The following NBAS variants were observed in gnomAD, a reference collection of about 807,000 sequenced individuals.
NBAS encodes the protein NBAS subunit of NRZ tethering complex, also known as NAG/BC035112 fusion.
NBAS carries 219 observed loss-of-function variants against 302.5 expected under a neutral mutation model. The observed-to-expected ratio is 0.72, with a 90% CI of 0.65 to 0.81. The LOEUF (loss-of-function observed/expected upper bound fraction) is 0.81, where lower values mean the gene tolerates loss of function less well. Among genes scored for constraint, NBAS ranks in the 30% least tolerant of loss-of-function variants. NBAS has a pLI of 0.00. For synonymous variants in NBAS, 1,118 were observed against 1,021.6 expected, an observed-to-expected ratio of 1.09 and a Z score of -1.80; for missense variants, 2,932 against 2,841.6, an observed-to-expected ratio of 1.03 and a Z score of -0.72.
intron 12 of NBAS, among the ~76,000 whole-genome samples, chr2:15,482,265 G>C (rs1339655670): frequency 1.3e-5 from 2 of 152,040 alleles, no homozygotes; most frequent in African/African-American, 4.8e-5. Context: ...CGAGTAGCTG[G>C]GAATATGGGC....
At chr2:15,474,761 A>T (rs1680116675) in intron 14 of NBAS, among the ~76,000 whole-genome samples, 1 of 152,132 alleles carries the variant, frequency 6.6e-6, no homozygotes, top group South Asian at 2.1e-4. Flanking sequence ...GGGTTTCACC[A>T]TGTTGGCCAG....
At chr2:15,250,621 TAAAC>T (rs1334575573) in intron 44 of NBAS, among the ~76,000 whole-genome samples, 1 of 150,908 alleles carries the variant, frequency 6.6e-6, no homozygotes, top group Non-Finnish European at 1.5e-5. Flanking sequence ...TTACAAGAAA[TAAAC>T]AACCTCATCA....
intron 9 of NBAS, among the ~76,000 whole-genome samples, chr2:15,530,341 G>C (rs1407786592): frequency 6.6e-6 from 1 of 151,802 alleles, no homozygotes; most frequent in Non-Finnish European, 1.5e-5. Flanking sequence ...AAGAACTAAA[G>C]AGAACTTCTA....
At chr2:14,806,467 G>T in the NBAS span, among the ~76,000 whole-genome samples, 1 of 152,080 alleles carries the variant, frequency 6.6e-6, no homozygotes, top group Non-Finnish European at 1.5e-5. Context: ...TTATTATTGT[G>T]ATAAGCTTAG....
chr2:15,363,280 C>G (rs1395708613), intron 32 of NBAS, among the ~76,000 whole-genome samples: 1 of 152,184 alleles, frequency 6.6e-6, no homozygotes, highest in Non-Finnish European at 1.5e-5. Context: ...ATGTACCTCT[C>G]CTACAGTTTC....
intron 21 of NBAS, among the ~76,000 whole-genome samples, chr2:15,458,296 T>C (rs967491189): frequency 6.6e-6 from 1 of 152,156 alleles, no homozygotes; most frequent in African/African-American, 2.4e-5. Context: ...AGCACAAGTG[T>C]GATTTTGCTT....
the NBAS span, among the ~76,000 whole-genome samples, chr2:15,097,144 C>T: frequency 6.6e-6 from 1 of 152,146 alleles, no homozygotes; most frequent in African/African-American, 2.4e-5. Flanking sequence ...TATGTAGCAC[C>T]TTCTGTCAGT....
At chr2:14,785,338 C>T in the NBAS span, among the ~76,000 whole-genome samples, 1 of 152,072 alleles carries the variant, frequency 6.6e-6, no homozygotes, top group African/African-American at 2.4e-5. Flanking sequence ...TTGCCCTGGC[C>T]AGAACTTCCA....
Position 15,443,835 on chromosome 2 carries a change from CACA to C in NBAS, c.2340-16044_2340-16042del, listed in dbSNP as rs1678577739. ...GGATACAAAATCAATGTACAAAAAT[CACA>C]AGCCTTCTTATACACCAATAACAGA... On this transcript the variant is annotated intron_variant, in intron 21 of 51. Transcript: ENST00000281513. 2.0e-5 allele frequency among the ~76,000 whole-genome samples: 3 copies of C among 152,214 alleles called. No homozygotes were observed. The South Asian group carries it at 6.2e-4, about 32-fold the overall frequency.
chr2:15,377,006 A>AAT (rs1674775135), intron 30 of NBAS, among the ~76,000 whole-genome samples: 1 of 152,190 alleles, frequency 6.6e-6, no homozygotes, highest in Non-Finnish European at 1.5e-5. Flanking sequence ...AACCTGTCAT[A>AAT]ATAGTCTTGG....
chr2:15,560,039 G>GA (rs1208711458), intron 1 of NBAS, among the ~76,000 whole-genome samples: 1 of 151,890 alleles, frequency 6.6e-6, no homozygotes, highest in Admixed American at 6.6e-5. Context: ...GGCTACAGAG[G>GA]AAAAAAATAC....
intron 5 of NBAS, among the ~76,000 whole-genome samples, chr2:15,552,422 T>TTCC (rs1431938478): frequency 6.6e-6 from 1 of 151,914 alleles, no homozygotes; most frequent in South Asian, 2.1e-4. Flanking sequence ...CCACCTTCTC[T>TTCC]TCCTCCTCCT....
chr2:15,116,949 C>T, the NBAS span, among the ~76,000 whole-genome samples: 1 of 152,158 alleles, frequency 6.6e-6, no homozygotes, highest in Admixed American at 6.5e-5. Context: ...GTGGAGTAAT[C>T]ATTTTCTCTT....
intron 30 of NBAS, 137 bp downstream of exon 30, chr2:15,379,464 CA>C (rs1674920704): frequency 1.2e-6 from 1 of 854,506 alleles, no homozygotes; most frequent in East Asian, 2.7e-5. Context: ...TATATTCAAG[CA>C]AAAAATAACT....
the NBAS span, among the ~76,000 whole-genome samples, chr2:15,120,764 T>C: frequency 2.6e-3 from 392 of 152,306 alleles, 2 homozygotes; most frequent in African/African-American, 8.3e-3. Flanking sequence ...GGCAGGAATA[T>C]ACATAAAAAG....
the NBAS span, among the ~76,000 whole-genome samples, chr2:14,879,087 C>T: frequency 2.1e-4 from 32 of 152,304 alleles, no homozygotes; most frequent in African/African-American, 7.2e-4. Context: ...GTTTCTTACA[C>T]TTAGTAATAT....
the NBAS span, among the ~76,000 whole-genome samples, chr2:14,984,922 G>A: frequency 1.3e-5 from 2 of 152,164 alleles, no homozygotes; most frequent in South Asian, 2.1e-4. Context: ...TAGACCCTAC[G>A]AGCAGGCAGG....
the NBAS span, among the ~76,000 whole-genome samples, chr2:15,115,963 TG>T: frequency 2.0e-5 from 3 of 152,162 alleles, no homozygotes; most frequent in Non-Finnish European, 2.9e-5. Flanking sequence ...TCCTCATTTG[TG>T]GGGATGAAAA....
chr2:15,511,741 A>G (rs1274680446), intron 9 of NBAS, among the ~76,000 whole-genome samples: 3 of 152,240 alleles, frequency 2.0e-5, no homozygotes. Context: ...GAGCCATTAC[A>G]GAAAGCTAGA....
Sources: allele counts gnomAD v4.1 joint callset (sites outside exome capture counted in the v4.1 genomes callset), GRCh38; gene constraint gnomAD v4.1.1; transcripts MANE v1.5; gene names NCBI Gene and HGNC (gene_info 2026-07-23, HGNC 2026-07-21).